KCNQ5: variants seen among roughly 807,000 people sequenced by gnomAD.
KCNQ5 encodes the protein potassium voltage-gated channel subfamily Q member 5.
A neutral mutation model predicts 98.2 loss-of-function variants in KCNQ5; 30 were observed. The ratio of observed to expected loss-of-function variants is 0.31; its 90% CI spans 0.23 to 0.41. The LOEUF is 0.41. Ranked by LOEUF, KCNQ5 falls within the 10% of genes least tolerant of loss-of-function variation. The pLI is 1.00. For synonymous variants in KCNQ5, 458 were observed against 449.4 expected (o/e 1.02, Z -0.24); for missense variants, 835 against 1,182.5 (o/e 0.71, Z 4.31).
At chr6:73,045,009 G>A (rs1771898852) in intron 3 of KCNQ5, among the ~76,000 whole-genome samples, 1 of 152,160 alleles carries the variant, frequency 6.6e-6, no homozygotes, top group Admixed American at 6.5e-5. Flanking sequence ...CTTTCCAGTT[G>A]GAAATACACT....
intron 2 of KCNQ5, among the ~76,000 whole-genome samples, chr6:73,027,581 G>T (rs534487009): frequency 2.0e-5 from 3 of 152,288 alleles, no homozygotes; most frequent in Non-Finnish European, 2.9e-5. Flanking sequence ...TAATTAATGA[G>T]ATGGCTTGAT....
intron 1 of KCNQ5, among the ~76,000 whole-genome samples, chr6:72,894,544 C>G (rs1001367780): frequency 2.0e-5 from 3 of 152,110 alleles, no homozygotes; most frequent in African/African-American, 7.2e-5. Flanking sequence ...CTTTGTAGAT[C>G]AAATACTAAG....
At chr6:73,035,049 A>G (rs993742051) in intron 2 of KCNQ5, among the ~76,000 whole-genome samples, 2 of 151,750 alleles carry the variant, frequency 1.3e-5, no homozygotes, top group Admixed American at 6.6e-5. Flanking sequence ...GTTTCACCTT[A>G]TTAGCCAGGA....
At chr6:73,146,626 CAAAAAAAAAAAAAAAA>C (rs58798764) in intron 10 of KCNQ5, among the ~76,000 whole-genome samples, 4 of 28,484 alleles carry the variant, frequency 1.4e-4, no homozygotes, top group Non-Finnish European at 2.7e-4. Context: ...GTCCCTGTCT[CAAAAAAAAAAAAAAAA>C]AAAAAAAAAA....
chr6:72,769,697 C>G (rs1409806449), intron 1 of KCNQ5, among the ~76,000 whole-genome samples: 1 of 151,968 alleles, frequency 6.6e-6, no homozygotes, highest in African/African-American at 2.4e-5. Flanking sequence ...AAAAACAAAC[C>G]CACTAAAATG....
intron 1 of KCNQ5, among the ~76,000 whole-genome samples, chr6:72,635,678 T>TTG (rs2098923660): frequency 6.7e-6 from 1 of 148,570 alleles, no homozygotes; most frequent in African/African-American, 2.5e-5. Context: ...TAGTTTTTTT[T>TTG]TTTTTTTTTT....
At chr6:73,024,387 A>ATAGATAGAT (rs1450944276) in intron 2 of KCNQ5, among the ~76,000 whole-genome samples, 8 of 150,960 alleles carry the variant, frequency 5.3e-5, no homozygotes, top group African/African-American at 1.5e-4. Context: ...TAGATGATAG[A>ATAGATAGAT]TAGATAGATA....
At chr6:72,901,133 C>A (rs559870696) in intron 1 of KCNQ5, among the ~76,000 whole-genome samples, 4 of 133,350 alleles carry the variant, frequency 3.0e-5, no homozygotes, top group South Asian at 3.0e-4. Flanking sequence ...CCCCTCCCCC[C>A]TCCCCCGACC....
intron 1 of KCNQ5, among the ~76,000 whole-genome samples, chr6:72,827,746 G>A (rs72941573): frequency 1.9e-3 from 291 of 152,076 alleles, no homozygotes; most frequent in African/African-American, 6.6e-3. Context: ...AATCCCAGTT[G>A]TTTATTTTTG....
chr6:73,025,161 C>T (rs1456120624), intron 2 of KCNQ5, among the ~76,000 whole-genome samples: 3 of 152,204 alleles, frequency 2.0e-5, no homozygotes, highest in African/African-American at 7.2e-5. Flanking sequence ...ATCTAATTCT[C>T]TCTATTGTCA....
intron 1 of KCNQ5, among the ~76,000 whole-genome samples, chr6:72,908,122 A>T (rs552183660): frequency 6.6e-6 from 1 of 152,242 alleles, no homozygotes; most frequent in African/African-American, 2.4e-5. Context: ...TCTTTCAATG[A>T]CATATACCTT....
intron 1 of KCNQ5, among the ~76,000 whole-genome samples, chr6:72,969,375 G>A (rs1767764507): frequency 6.6e-6 from 1 of 152,126 alleles, no homozygotes; most frequent in Admixed American, 6.5e-5. Flanking sequence ...AACATGTAAG[G>A]TTAGACCATG....
intron 1 of KCNQ5, among the ~76,000 whole-genome samples, chr6:72,661,245 A>G (rs978097474): frequency 2.0e-5 from 3 of 152,076 alleles, no homozygotes; most frequent in Non-Finnish European, 2.9e-5. Context: ...AGTTATAATA[A>G]CACATTGAGA....
In KCNQ5 at chr6:72,658,559, GAT is replaced by G. The variant is rs1189137122; in HGVS notation, c.398+35991_398+35992del. On this transcript the variant is annotated intron_variant, in intron 1 of 13. Coordinates refer to ENST00000370398, the MANE Select transcript of KCNQ5 (RefSeq NM_019842.4). ...GCCTCCCAAAGTGCTGGGATTAAAG[GAT>G]ATATATATATATATATATTTTTTTT... Among the ~76,000 whole-genome samples the G allele has an allele frequency of 5.7e-3, 507 of 88,414 alleles. 8 individuals are homozygous for G. The highest frequency in any genetic ancestry group is 0.022 in the African/African-American group (332 of 14,888). 58.0% of individuals were successfully genotyped at this position (88,414 alleles called of 152,430 possible). A position where few individuals can be genotyped will look rare whatever the true frequency, so the allele number is the denominator to read the frequency against.
chr6:72,784,972 A>G (rs1210743441), intron 1 of KCNQ5, among the ~76,000 whole-genome samples: 4 of 152,198 alleles, frequency 2.6e-5, no homozygotes, highest in African/African-American at 9.7e-5. Flanking sequence ...CTAAGCACCA[A>G]ACTACAAAAA....
chr6:72,905,601 T>A (rs939017021), intron 1 of KCNQ5, among the ~76,000 whole-genome samples: 1 of 152,154 alleles, frequency 6.6e-6, no homozygotes, highest in Non-Finnish European at 1.5e-5. Context: ...CCTTTTCCAG[T>A]GGATGTGGCT....
chr6:73,063,656 AGATAGATAGAT>A lies in KCNQ5; in HGVS notation c.617-13654_617-13644del, dbSNP rs1351418251. Among the ~76,000 whole-genome samples the A allele has an allele frequency of 1.6e-3, 142 of 86,942 alleles. 1 individual carries two copies. Among genetic ancestry groups the A allele is most frequent in the African/African-American group, 4.7e-3 (136 of 29,166 alleles). 57.0% of individuals were successfully genotyped at this position (86,942 alleles called of 152,430 possible). Reference sequence around the variant, plus strand: ...TCCCACTGAAATACAGATAGATGATAGATAGATAGATGATAGATAGATAGATAGATGATAGA... The same window carrying A: ...TCCCACTGAAATACAGATAGATGATAGATAGATAGATAGATAGATGATAGA... On this transcript the variant is annotated intron_variant, in intron 3 of 13. Transcript: ENST00000370398.
intron 1 of KCNQ5, among the ~76,000 whole-genome samples, chr6:72,956,489 CTTTT>C (rs35114790): frequency 8.9e-6 from 1 of 112,018 alleles, no homozygotes. Flanking sequence ...TTTCTTTTTT[CTTTT>C]TTTTTTTTTT....
At chr6:72,836,090 G>A (rs921570775) in intron 1 of KCNQ5, among the ~76,000 whole-genome samples, 1 of 152,110 alleles carries the variant, frequency 6.6e-6, no homozygotes, top group African/African-American at 2.4e-5. Flanking sequence ...TGGTGTTCTT[G>A]TTATTTTTGT....
Sources: gnomAD v4.1 joint callset for allele counts (sites outside exome capture counted in the v4.1 genomes callset) on GRCh38, gnomAD v4.1.1 for gene constraint, MANE v1.5 for transcripts, NCBI Gene and HGNC (gene_info 2026-07-23, HGNC 2026-07-21) for gene names.